Variants in EXT1 observed in about 807,000 individuals in gnomAD.
The protein encoded by EXT1 is exostosin-1.
In EXT1, 20 loss-of-function variants were observed where a neutral mutation model predicts 82.5. The observed-to-expected ratio is 0.24, with a 90% CI of 0.17 to 0.35. The LOEUF is 0.35. Among genes scored for constraint, EXT1 ranks in the 10% least tolerant of loss-of-function variants. EXT1 has a pLI of 1.00. For synonymous variants in EXT1, 348 were observed against 350.8 expected, an observed-to-expected ratio of 0.99 and a Z score of 0.09; for missense variants, 757 against 936.5, an observed-to-expected ratio of 0.81 and a Z score of 2.50.
chr8:117,861,545 A>G (rs1586247874), intron 1 of EXT1, among the ~76,000 whole-genome samples: 1 of 114,790 alleles, frequency 8.7e-6, no homozygotes, highest in Non-Finnish European at 1.7e-5. Flanking sequence ...CCCAGGCTGG[A>G]GGGCAGTGGC....
chr8:117,983,066 C>T (rs1192771466), intron 1 of EXT1, among the ~76,000 whole-genome samples: 1 of 152,158 alleles, frequency 6.6e-6, no homozygotes, highest in African/African-American at 2.4e-5. Flanking sequence ...TTTCTCTCTC[C>T]CGAACAAGAT....
In EXT1 at chr8:117,958,858, C is replaced by T. The variant is rs183999716; in HGVS notation, c.963-121657G>A. On this transcript the variant is annotated intron_variant, in intron 1 of 10. Coordinates refer to ENST00000378204, the MANE Select transcript of EXT1 (RefSeq NM_000127.3). ...GGCCTTTTTTTCTTTCCTAAATATG[C>T]CATTTCTCTCACAATTCTTGCACTT... Among the ~76,000 whole-genome samples the T allele has an allele frequency of 7.2e-5, 11 of 152,218 alleles. No homozygotes were observed. The East Asian group carries it at 1.9e-3, about 27-fold the overall frequency.
At chr8:117,921,562 C>CA (rs1001905719) in intron 1 of EXT1, among the ~76,000 whole-genome samples, 57 of 152,226 alleles carry the variant, frequency 3.7e-4, no homozygotes, top group African/African-American at 1.2e-3. Flanking sequence ...GAGTGCAGAT[C>CA]AAATGAAGGG....
chr8:117,866,433 G>A (rs930360379), intron 1 of EXT1, among the ~76,000 whole-genome samples: 7 of 152,122 alleles, frequency 4.6e-5, no homozygotes, highest in African/African-American at 1.7e-4. Flanking sequence ...GTGCTGTAAT[G>A]AGCTACTGGC....
At chr8:117,940,594 T>A (rs560254400) in intron 1 of EXT1, among the ~76,000 whole-genome samples, 201 of 152,220 alleles carry the variant, frequency 1.3e-3, no homozygotes, top group Non-Finnish European at 2.3e-3. Flanking sequence ...AGAAACTCAT[T>A]AGTCTAGCAG....
intron 1 of EXT1, among the ~76,000 whole-genome samples, chr8:117,965,969 A>C (rs1814799670): frequency 6.6e-6 from 1 of 150,972 alleles, no homozygotes; most frequent in Non-Finnish European, 1.5e-5. Context: ...TGGTAAAATA[A>C]ATAAATAAAC....
At chr8:118,009,129 A>T (rs1343637272) in intron 1 of EXT1, among the ~76,000 whole-genome samples, 2 of 152,226 alleles carry the variant, frequency 1.3e-5, no homozygotes, top group Non-Finnish European at 2.9e-5. Flanking sequence ...AAGGTGTCCC[A>T]GAAGCCACAT....
Position 117,797,179 on chromosome 8 carries a change from A to T in EXT1, c.*2533T>A, listed in dbSNP as rs1823099811. The T allele has an allele frequency of 6.6e-6, 1 of 152,246 alleles. No individual in the cohort carries two copies. The highest frequency in any genetic ancestry group is 2.4e-5 in the African/African-American group (1 of 41,466). 9.4% of individuals were successfully genotyped at this position (152,246 alleles called of 1,614,324 possible). ...TCTTTCCTAACTGAATTAAAATTAC[A>T]TATTACTGTCGAGCTTCACTGATTT... is the stretch of plus-strand genomic sequence containing the variant. On this transcript the variant is annotated 3_prime_UTR_variant, in exon 11 of 11. Transcript: ENST00000378204.
intron 1 of EXT1, among the ~76,000 whole-genome samples, chr8:117,960,126 G>A (rs376227587): frequency 6.6e-6 from 1 of 152,080 alleles, no homozygotes; most frequent in South Asian, 2.1e-4. Context: ...CAGGAGAATC[G>A]CTTGAACCTG....
chr8:117,958,394 G>T (rs961480423), intron 1 of EXT1, among the ~76,000 whole-genome samples: 3 of 152,070 alleles, frequency 2.0e-5, no homozygotes, highest in African/African-American at 7.2e-5. Context: ...TTGACTTCCC[G>T]AAAGAGCCAA....
intron 1 of EXT1, among the ~76,000 whole-genome samples, chr8:118,039,560 A>C (rs926125809): frequency 1.3e-4 from 7 of 55,910 alleles, no homozygotes; most frequent in African/African-American, 5.2e-4. Flanking sequence ...TCCGTCACAA[A>C]AAAAAAAAAA....
chr8:117,818,522 A>T lies in EXT1; in HGVS notation c.1545T>A (p.Val515=), dbSNP rs200372337. ...AKSQYCAQII[V]LWNCDKPLPA... Reference sequence around the variant, plus strand: ...GTAGGGGCTTGTCACAATTCCATAGAACTATGATCTGAAAGGGATGGGGCT... The same window carrying T: ...GTAGGGGCTTGTCACAATTCCATAGTACTATGATCTGAAAGGGATGGGGCT... The change falls in exon 7 of 11, where the codon GTT becomes GTA. Residue 515 remains valine, a synonymous_variant. Transcript: ENST00000378204. 4 of 1,613,910 alleles carry T rather than the reference A, an allele frequency of 2.5e-6. No homozygotes were observed. The Admixed American group carries it at 6.7e-5, about 27-fold the overall frequency.
At chr8:118,079,855 C>G (rs1385277867) in intron 1 of EXT1, among the ~76,000 whole-genome samples, 1 of 152,128 alleles carries the variant, frequency 6.6e-6, no homozygotes, top group Non-Finnish European at 1.5e-5. Flanking sequence ...ACAAGATTTA[C>G]TTGGAAATAA....
In EXT1 at chr8:118,110,173, C is replaced by A. The variant is rs1586279359; in HGVS notation, c.874G>T (p.Val292Phe). The change falls in exon 1 of 11, where the codon GTT becomes TTT. Residue 292 changes from valine to phenylalanine, a missense_variant. By Grantham distance (50) the Val-to-Phe change is conservative (BLOSUM62 -1). This residue lies in a region of EXT1 where 247 missense variants were observed against 330.1 expected (regional missense o/e 0.75). Coordinates refer to ENST00000378204, the MANE Select transcript of EXT1 (RefSeq NM_000127.3). ...ALYHVHNGED[V>F]VLLTTCKHGK... ...TGCTTGCAGGTGGTGAGGAGCACAA[C>A]GTCCTCCCCGTTATGGACGTGATAT... 6 of 1,614,196 alleles carry A rather than the reference C, an allele frequency of 3.7e-6. No homozygotes were observed. Among genetic ancestry groups the A allele is most frequent in the African/African-American group, 1.3e-5 (1 of 75,068 alleles).
intron 1 of EXT1, among the ~76,000 whole-genome samples, chr8:117,856,202 G>A (rs1476160960): frequency 6.6e-6 from 1 of 151,780 alleles, no homozygotes; most frequent in Non-Finnish European, 1.5e-5. Context: ...GCCTAGAAGA[G>A]CAAACCATCC....
At chr8:117,959,681 A>G (rs1814660535) in intron 1 of EXT1, among the ~76,000 whole-genome samples, 1 of 152,246 alleles carries the variant, frequency 6.6e-6, no homozygotes, top group Non-Finnish European at 1.5e-5. Flanking sequence ...GCCCAAGCTC[A>G]TATTAAATGC....
chr8:117,873,447 CTTT>C lies in EXT1; in HGVS notation c.963-36249_963-36247del, dbSNP rs1184985472. Among the ~76,000 whole-genome samples the C allele has an allele frequency of 3.9e-4, 39 of 99,672 alleles. 1 individual carries two copies. Among genetic ancestry groups the C allele is most frequent in the East Asian group, 1.4e-3 (5 of 3,630 alleles). 65.4% of individuals were successfully genotyped at this position (99,672 alleles called of 152,430 possible). A position where few individuals can be genotyped will look rare whatever the true frequency, so the allele number is the denominator to read the frequency against. On this transcript the variant is annotated intron_variant, in intron 1 of 10. Transcript: ENST00000378204. ...GGTTAAGACCAATGTTGTCCTGTGA[CTTT>C]TTTTTTTTTTTTTTTTTTTTTTTGA... is the stretch of plus-strand genomic sequence containing the variant.
intron 1 of EXT1, among the ~76,000 whole-genome samples, chr8:118,000,958 A>G (rs1815653396): frequency 1.3e-5 from 2 of 152,354 alleles, no homozygotes; most frequent in Non-Finnish European, 2.9e-5. Flanking sequence ...AGATAGATTA[A>G]GAGAAAAATA....
In EXT1 at chr8:118,056,947, C is replaced by G. The variant is rs545449737; in HGVS notation, c.962+53138G>C. The stretch of plus-strand genomic sequence containing the variant: ...TCCTCACAACCAACTATGCCATTAC[C>G]AAAAAGCCATGGAGGTGTGACTTGG... On this transcript the variant is annotated intron_variant, in intron 1 of 10. Transcript: ENST00000378204. 2.4e-4 allele frequency among the ~76,000 whole-genome samples: 37 copies of G among 152,220 alleles called. No individual in the cohort carries two copies. In the South Asian group the frequency reaches 7.5e-3, roughly 31 times the overall value.
Sources: gnomAD v4.1 joint callset for allele counts (sites outside exome capture counted in the v4.1 genomes callset) on GRCh38, gnomAD v4.1.1 for gene constraint, gnomAD v4.1.1 regional missense constraint, MANE v1.5 for transcripts, NCBI Gene and HGNC (gene_info 2026-07-23, HGNC 2026-07-21) for gene names.